TTLL4: variants seen among roughly 807,000 people sequenced by gnomAD.
The protein encoded by TTLL4 is tubulin tyrosine ligase like 4.
TTLL4 carries 85 observed loss-of-function variants against 122.7 expected under a neutral mutation model. The ratio of observed to expected loss-of-function variants is 0.69; its 90% CI spans 0.58 to 0.83. The LOEUF is 0.83. TTLL4 is among the 40% of genes least tolerant of loss of function. The pLI is 0.00. For synonymous variants in TTLL4, 553 were observed against 563.0 expected (o/e 0.98, Z 0.25); for missense variants, 1,363 against 1,488.6 (o/e 0.92, Z 1.39).
At chr2:218,742,010 G>C (rs1328315785) in intron 5 of TTLL4, among the ~76,000 whole-genome samples, 1 of 152,114 alleles carries the variant, frequency 6.6e-6, no homozygotes, top group Non-Finnish European at 1.5e-5. Flanking sequence ...GCCCAGGCTA[G>C]AGTGCAGTGG....
At chr2:218,717,047 T>A (rs1437235618) in intron 1 of TTLL4, among the ~76,000 whole-genome samples, 1 of 152,016 alleles carries the variant, frequency 6.6e-6, no homozygotes, top group Non-Finnish European at 1.5e-5. Context: ...AGTGGCATGA[T>A]CATGGCTTAC....
intron 1 of TTLL4, among the ~76,000 whole-genome samples, chr2:218,719,763 C>A (rs1941978188): frequency 6.6e-6 from 1 of 152,154 alleles, no homozygotes; most frequent in African/African-American, 2.4e-5. Flanking sequence ...GGTGGGCCAC[C>A]ACAGTGTTTA....
In TTLL4 at chr2:218,737,748, C is replaced by T; in HGVS notation, c.72C>T (p.Pro24=). The change falls in exon 3 of 20, where the codon CCC becomes CCT. Residue 24 remains proline, a synonymous_variant. Transcript: ENST00000392102. ...AAAACAGCTTCAAGCAGAGTGGTCC[C>T]TCAGGCACAGTACCTGCCACGCCAC... ...RQKNSFKQSG[P]SGTVPATPPE... 1 of 1,614,014 alleles carries T rather than the reference C, an allele frequency of 6.2e-7. No homozygotes were observed. The highest frequency in any genetic ancestry group is 8.5e-7 in the Non-Finnish European group (1 of 1,179,870).
chr2:218,753,126 C>T lies in TTLL4; in HGVS notation c.3199C>T (p.Leu1067Phe). Residue 1067 changes from leucine to phenylalanine, a missense_variant, in exon 18 of 20, where the codon CTC becomes TTC. Transcript: ENST00000392102. ...HGNKLKGVDL[L>F]RSWCYKGFHM... ...TAATCTTGTCCTAGGAGTAGATCTG[C>T]TCCGGAGTTGGTGCTACAAAGGGTT... The T allele has an allele frequency of 1.2e-6, 2 of 1,614,062 alleles. No homozygotes were observed. The highest frequency in any genetic ancestry group is 1.7e-6 in the Non-Finnish European group (2 of 1,179,994).
At position 218,732,549 on chromosome 2, in the gene TTLL4, CG is replaced by C. The variant is rs1942410711; in HGVS notation, c.-98-5028del. Among the ~76,000 whole-genome samples, 7 of 152,236 alleles carry C rather than the reference CG, an allele frequency of 4.6e-5. No homozygotes were observed. In the South Asian group the frequency reaches 1.5e-3, roughly 32 times the overall value. Reference sequence around the variant, plus strand: ...AAATTGCCCTTCGAGTATGTGCTGTCGGTAGGGTCTGGGTGCCAGACATTAT... The same window carrying C: ...AAATTGCCCTTCGAGTATGTGCTGTCGTAGGGTCTGGGTGCCAGACATTAT... On this transcript the variant is annotated intron_variant, in intron 2 of 19. Coordinates refer to ENST00000392102, the MANE Select transcript of TTLL4 (RefSeq NM_014640.5).
intron 1 of TTLL4, among the ~76,000 whole-genome samples, chr2:218,717,294 A>G (rs953821833): frequency 2.0e-4 from 30 of 152,124 alleles, no homozygotes; most frequent in Admixed American, 3.9e-4. Flanking sequence ...AATATTTTCT[A>G]TGTAGCAGGA....
Position 218,748,061 on chromosome 2 carries a change from C to T in TTLL4, c.2379-44C>T, listed in dbSNP as rs375709523. The T allele has an allele frequency of 2.0e-5, 32 of 1,613,136 alleles. 1 individual carries two copies. The highest frequency in any genetic ancestry group is 3.3e-4 in the Middle Eastern group (2 of 6,078). On this transcript the variant is annotated intron_variant, in intron 11 of 19. Transcript: ENST00000392102. ...AAATGTTTGGCCCCTTCTCCATCTG[C>T]TCTGTTACCATCTTACCTCTGCCTT...
chr2:218,736,849 CTT>C (rs776690140), intron 2 of TTLL4, among the ~76,000 whole-genome samples: 2 of 139,408 alleles, frequency 1.4e-5, no homozygotes, highest in African/African-American at 2.7e-5. Context: ...TTCAGATCGT[CTT>C]TTTTTTTTTT....
downstream of TTLL4, among the ~76,000 whole-genome samples, chr2:218,757,136 C>G (rs1475324738): frequency 6.6e-6 from 1 of 152,194 alleles, no homozygotes; most frequent in East Asian, 1.9e-4. Flanking sequence ...ATAGAGGGCA[C>G]TTTGCATGGT....
Position 218,720,129 on chromosome 2 carries a change from A to G in TTLL4, c.-177-7140A>G, listed in dbSNP as rs191029368. Among the ~76,000 whole-genome samples, 832 of 152,264 alleles carry G rather than the reference A, an allele frequency of 5.5e-3. 3 individuals are homozygous for G. The highest frequency in any genetic ancestry group is 8.2e-3 in the Non-Finnish European group (557 of 68,014). On this transcript the variant is annotated intron_variant, in intron 1 of 19. Transcript: ENST00000392102. ...GTGGAGAGCTAGTTTGACACACTAG[A>G]TTGAAGTGGTTGGACATGCATTTGG...
rs1282881882 is a variant in TTLL4 at position 218,755,016 on chromosome 2, C to T, written c.*627C>T. 6.5e-6 allele frequency: 1 copy of T among 153,362 alleles called. No individual in the cohort carries two copies. Among genetic ancestry groups the T allele is most frequent in the African/African-American group, 2.4e-5 (1 of 41,450 alleles). The allele number at this position is 153,362 out of a possible 1,614,324, so 9.5% of individuals were successfully genotyped here. A position where few individuals can be genotyped will look rare whatever the true frequency, so the allele number is the denominator to read the frequency against. ...CCCTAGGTCTTCCTGTTCTGACCCC[C>T]CATCACTGCTCGTTCAGCCTTCTAG... On this transcript the variant is annotated 3_prime_UTR_variant, in exon 20 of 20. Coordinates refer to ENST00000392102, the MANE Select transcript of TTLL4 (RefSeq NM_014640.5).
chr2:218,757,141 C>A (rs770017458), downstream of TTLL4, among the ~76,000 whole-genome samples: 7 of 152,198 alleles, frequency 4.6e-5, no homozygotes, highest in Non-Finnish European at 1.0e-4. Context: ...GGGCACTTTG[C>A]ATGGTCACAC....
Position 218,747,734 on chromosome 2 carries a change from C to T in TTLL4, c.2378+9C>T, listed in dbSNP as rs549203272. 1.9e-6 allele frequency: 3 copies of T among 1,614,156 alleles called. No homozygotes were observed. The South Asian group carries it at 3.3e-5, about 18-fold the overall frequency. ...CGCTTTGCCAGTTGCAAGTATGTGA[C>T]AGTGGTGAGGTATCCTCTGACAATA... On this transcript the variant is annotated intron_variant, in intron 11 of 19. Transcript: ENST00000392102. The surrounding 1 kb of genome is among the most constrained non-coding windows in gnomAD (Gnocchi z 4.7).
At chr2:218,748,050 T>G in intron 11 of TTLL4, 55 bp from the exon 12 acceptor site, 2 of 1,610,562 alleles carry the variant, frequency 1.2e-6, no homozygotes, top group Non-Finnish European at 1.7e-6. Flanking sequence ...GTTTGGCCCC[T>G]TCTCCATCTG....
chr2:218,715,012 C>G (rs1274499540), intron 1 of TTLL4, among the ~76,000 whole-genome samples: 1 of 151,336 alleles, frequency 6.6e-6, no homozygotes, highest in Non-Finnish European at 1.5e-5. Flanking sequence ...TAACTGTATG[C>G]TAACGTAAGT....
intron 2 of TTLL4, among the ~76,000 whole-genome samples, chr2:218,732,165 A>G (rs1427226206): frequency 6.6e-6 from 1 of 152,174 alleles, no homozygotes; most frequent in African/African-American, 2.4e-5. Context: ...AGCTATCTTT[A>G]AGTAGTATAA....
intron 1 of TTLL4, among the ~76,000 whole-genome samples, chr2:218,721,362 G>A (rs1011801662): frequency 1.5e-4 from 23 of 152,188 alleles, no homozygotes; most frequent in Admixed American, 1.3e-3. Context: ...GCGTCACCGC[G>A]CCTGGCCAGG....
In TTLL4 at chr2:218,744,656, T is replaced by C. The variant is rs1188328415; in HGVS notation, c.1662-453T>C. On this transcript the variant is annotated intron_variant, in intron 5 of 19. Transcript: ENST00000392102. ...CTTTTCTTTCTATTGCTTTTTCCCC[T>C]TTTTTTATTTAAAAGTCTCTACACC... is the stretch of plus-strand genomic sequence containing the variant. Among the ~76,000 whole-genome samples, 3 of 152,204 alleles carry C rather than the reference T, an allele frequency of 2.0e-5. No homozygotes were observed. In the East Asian group the frequency reaches 5.8e-4, roughly 29 times the overall value.
In TTLL4 at chr2:218,721,183, TA is replaced by T. The variant is rs373241131; in HGVS notation, c.-177-6084del. Among the ~76,000 whole-genome samples the T allele has an allele frequency of 4.0e-4, 61 of 152,318 alleles. No homozygotes were observed. In the East Asian group the frequency reaches 0.011, roughly 28 times the overall value. On this transcript the variant is annotated intron_variant, in intron 1 of 19. Transcript: ENST00000392102. Reference sequence around the variant, plus strand: ...TTTCCCTGAGTTCTGTGAGTTGTTCTAACAAATTGATCAAACCCCATGGGGG... The same window carrying T: ...TTTCCCTGAGTTCTGTGAGTTGTTCTACAAATTGATCAAACCCCATGGGGG...
Sources: gnomAD v4.1 joint callset for allele counts (sites outside exome capture counted in the v4.1 genomes callset) on GRCh38, gnomAD v4.1.1 for gene constraint, Gnocchi (gnomAD v3.1) non-coding constraint, MANE v1.5 for transcripts, NCBI Gene and HGNC (gene_info 2026-07-23, HGNC 2026-07-21) for gene names.